The following MXRA5 variants were observed in gnomAD, a reference collection of about 807,000 sequenced individuals.
The protein encoded by MXRA5 is matrix remodeling associated 5.
A neutral mutation model predicts 112.5 loss-of-function variants in MXRA5; 41 were observed. The observed-to-expected ratio is 0.36, with a 90% CI of 0.28 to 0.47. The LOEUF is 0.47. MXRA5 is among the 20% of genes least tolerant of loss of function. The pLI, the probability that MXRA5 is intolerant of heterozygous loss-of-function variation, is 0.99. For synonymous variants in MXRA5, 862 were observed against 900.8 expected (o/e 0.96, Z 0.77); for missense variants, 2,150 against 2,251.0 (o/e 0.96, Z 0.91).
intron 6 of MXRA5, among the ~76,000 whole-genome samples, chrX:3,312,730 GTT>G (rs35559206): frequency 1.9e-5 from 2 of 107,024 alleles, no homozygotes; most frequent in South Asian, 8.5e-4. Flanking sequence ...CCTGGATGGA[GTT>G]TTTTTTATTT....
chrX:3,343,372 T>A (rs780676524), intron 2 of MXRA5, among the ~76,000 whole-genome samples: 40 of 112,547 alleles, frequency 3.6e-4, no homozygotes, highest in Middle Eastern at 4.6e-3. Flanking sequence ...AGGGAATTTC[T>A]CAACAAACTC....
At chrX:3,341,421 ATATATGTAATATATATTATTAT>A (rs1921960013) in intron 2 of MXRA5, among the ~76,000 whole-genome samples, 1 of 17,970 alleles carries the variant, frequency 5.6e-5, no homozygotes, top group Non-Finnish European at 7.3e-5. Flanking sequence ...ATTATATATA[ATATATGTAATATATATTATTAT>A]TATATATAAT....
intron 4 of MXRA5, among the ~76,000 whole-genome samples, chrX:3,328,905 AAGGG>A (rs1921576229): frequency 1.1e-5 from 1 of 92,038 alleles, no homozygotes; most frequent in Non-Finnish European, 2.1e-5. Context: ...GGAATGAAGG[AAGGG>A]AGGGAGGGAA....
Position 3,330,784 on chromosome X carries a change from GTAA to G in MXRA5, c.189-14_189-12del, listed in dbSNP as rs770536004. 50 of 1,055,441 alleles carry G rather than the reference GTAA, an allele frequency of 4.7e-5. No homozygotes were observed. The highest frequency in any genetic ancestry group is 5.4e-5 in the Admixed American group (2 of 36,783). The allele number at this position is 1,055,441 out of a possible 1,213,427, so 87.0% of individuals were successfully genotyped here. On this transcript the variant is annotated splice_polypyrimidine_tract_variant and intron_variant, in intron 2 of 6. Transcript: ENST00000217939. Reference sequence around the variant, plus strand: ...TGTATGCTATTAAACCTAAAGAATGGTAATAATAATAATAACAATAATAATAAT... The same window carrying G: ...TGTATGCTATTAAACCTAAAGAATGGTAATAATAATAACAATAATAATAAT...
chrX:3,310,919 C>T lies in MXRA5; in HGVS notation c.7284G>A (p.Arg2428=). The T allele has an allele frequency of 8.3e-7, 1 of 1,211,498 alleles. No individual in the cohort carries two copies. Among genetic ancestry groups the T allele is most frequent in the South Asian group, 1.8e-5 (1 of 56,957 alleles). The change falls in exon 7 of 7, where the codon AGG becomes AGA. Residue 2428 remains arginine, a synonymous_variant. Transcript: ENST00000217939. ...CGTTGACGTGAATCCACACCGTCTT[C>T]CTATCCTCTCCCGCGCTGTTCCTGA... The part of the protein sequence containing the change: ...CLVRNSAGED[R]KTVWIHVNVQ...
intron 1 of MXRA5, among the ~76,000 whole-genome samples, chrX:3,344,714 T>A (rs759227147): frequency 8.1e-5 from 9 of 111,797 alleles, no homozygotes; most frequent in African/African-American, 2.9e-4. Context: ...TTGAATGGCG[T>A]TCACTTAAAA....
chrX:3,316,550 C>T (rs1921140273), intron 6 of MXRA5, among the ~76,000 whole-genome samples: 1 of 40 alleles, frequency 0.025, no homozygotes, highest in Non-Finnish European at 0.11. Context: ...CACCTGTAGT[C>T]CCAGCTACTT....
intron 2 of MXRA5, among the ~76,000 whole-genome samples, chrX:3,342,093 T>C (rs1178080746): frequency 9.1e-6 from 1 of 110,365 alleles, no homozygotes; most frequent in Non-Finnish European, 1.9e-5. Flanking sequence ...TTTCCAGAGA[T>C]ATAGATGAAG....
At chrX:3,335,496 C>G (rs1454922148) in intron 2 of MXRA5, among the ~76,000 whole-genome samples, 2 of 112,514 alleles carry the variant, frequency 1.8e-5, no homozygotes, top group Non-Finnish European at 3.7e-5. Context: ...TGCGCCTGGC[C>G]GCCATTTTTA....
Position 3,320,159 on chromosome X carries a change from A to T in MXRA5, c.5526T>A (p.Pro1842=). 1 of 1,211,327 alleles carries T rather than the reference A, an allele frequency of 8.3e-7. No homozygotes were observed. The highest frequency in any genetic ancestry group is 1.1e-6 in the Non-Finnish European group (1 of 895,423). Residue 1842 remains proline (P), a synonymous_variant, in exon 5 of 7, where the codon CCT becomes CCA. Coordinates refer to ENST00000217939, the MANE Select transcript of MXRA5 (RefSeq NM_015419.4). ...CCCCAAGAGACCAGAATTTGGATGC[A>T]GGAGGTCCTCCTGCAAAGAACTTTG... ...SSSKFFAGGP[P]ASKFWSLGEK... is the part of the protein sequence containing the mutation.
chrX:3,325,847 A>AATAATTTATAATATATAATTTATAATT (rs1921456171), intron 4 of MXRA5, among the ~76,000 whole-genome samples: 2 of 58,938 alleles, frequency 3.4e-5, no homozygotes, highest in Non-Finnish European at 6.0e-5. Flanking sequence ...TTTATTCATA[A>AATAATTTATAATATATAATTTATAATT]ATAATTTATA....
Position 3,321,803 on chromosome X carries a change from A to G in MXRA5, c.3882T>C (p.Asp1294=). Reference sequence around the variant, plus strand: ...ATATTTTTCTGGTGGTTGTCATGTAATCTAAGGAATCATAAGGGCCCTCAG... The same window carrying G: ...ATATTTTTCTGGTGGTTGTCATGTAGTCTAAGGAATCATAAGGGCCCTCAG... ...LKTEGPYDSL[D]YMTTTRKIYS... The change falls in exon 5 of 7, where the codon GAT becomes GAC. Residue 1294 remains aspartate, a synonymous_variant. Transcript: ENST00000217939. 1 of 1,210,457 alleles carries G rather than the reference A, an allele frequency of 8.3e-7. No individual in the cohort carries two copies. The highest frequency in any genetic ancestry group is 1.1e-6 in the Non-Finnish European group (1 of 894,448).
chrX:3,329,443 G>A lies in MXRA5; in HGVS notation c.709+575C>T, dbSNP rs5939494. ...AAGGAAGGAGGGAAGGAAGGAAGGA[G>A]GGAAGGAAGGAAGATGAAGGAAGGG... On this transcript the variant is annotated intron_variant, in intron 4 of 6. Coordinates refer to ENST00000217939, the MANE Select transcript of MXRA5 (RefSeq NM_015419.4). Among the ~76,000 whole-genome samples, 246 of 35,408 alleles carry A rather than the reference G, an allele frequency of 6.9e-3. 3 individuals carry two copies. Among genetic ancestry groups the A allele is most frequent in the Middle Eastern group, 0.018 (1 of 56 alleles). The allele number at this position is 35,408 out of a possible 115,157, so 30.7% of individuals were successfully genotyped here.
chrX:3,330,845 T>C (rs1360610475), intron 2 of MXRA5, 72 bp from the exon 3 acceptor site: 2 of 768,326 alleles, frequency 2.6e-6, no homozygotes, highest in South Asian at 3.9e-5. Flanking sequence ...TTAACTCCCA[T>C]ATGGGAAACA....
chrX:3,331,009 C>T (rs1382108367), intron 2 of MXRA5, among the ~76,000 whole-genome samples: 1 of 111,131 alleles, frequency 9.0e-6, no homozygotes, highest in African/African-American at 3.3e-5. Flanking sequence ...CTCCAGCAAT[C>T]CTCCCACATC....
chrX:3,322,547 A>G lies in MXRA5; in HGVS notation c.3138T>C (p.Ser1046=). 1.7e-6 allele frequency: 2 copies of G among 1,211,185 alleles called. No homozygotes were observed. Among genetic ancestry groups the G allele is most frequent in the Non-Finnish European group, 2.2e-6 (2 of 895,352 alleles). Residue 1046 remains serine, a synonymous_variant, in exon 5 of 7, where the codon AGT becomes AGC. Coordinates refer to ENST00000217939, the MANE Select transcript of MXRA5 (RefSeq NM_015419.4). ...GTAAGGTGTCTTGAGTGCTTAGACTACTTTTCACAAGGTGGATGTTGTCTG... is the reference window on the plus strand; with the variant it reads ...GTAAGGTGTCTTGAGTGCTTAGACTGCTTTTCACAAGGTGGATGTTGTCTG... The part of the protein sequence containing the change: ...GLTDNIHLVK[S]SLSTQDTLLI...
Position 3,330,709 on chromosome X carries a change from T to C in MXRA5, c.253A>G (p.Met85Val). 2.5e-6 allele frequency: 3 copies of C among 1,210,178 alleles called. No homozygotes were observed. In the South Asian group the frequency reaches 5.3e-5, roughly 21 times the overall value. Residue 85 changes from methionine to valine, a missense_variant, in exon 3 of 7, where the codon ATG (methionine) becomes GTG (valine). Met to Val is a conservative substitution (Grantham distance 21). Transcript: ENST00000217939. ...CTTGGGATCTCATTGCCGTGAATCA[T>C]AAGTAGCTCCAACTTGGTCAGTCCT... ...FAGLTKLELLMIHGNEIPSIP... is the reference protein window; with the variant it reads ...FAGLTKLELLVIHGNEIPSIP...
intron 6 of MXRA5, among the ~76,000 whole-genome samples, chrX:3,316,805 T>C (rs1921147905): frequency 9.3e-6 from 1 of 107,735 alleles, no homozygotes; most frequent in Non-Finnish European, 1.9e-5. Context: ...GCCTCCAGAG[T>C]AGCTGGGACT....
At position 3,310,913 on chromosome X, in the gene MXRA5, C is replaced by T. The variant is rs761053933; in HGVS notation, c.7290G>A (p.Thr2430=). ...GCTGGACGTTGACGTGAATCCACAC[C>T]GTCTTCCTATCCTCTCCCGCGCTGT... ...VRNSAGEDRK[T]VWIHVNVQPP... The change falls in exon 7 of 7, where the codon ACG becomes ACA. Residue 2430 remains threonine, a synonymous_variant. Coordinates refer to ENST00000217939, the MANE Select transcript of MXRA5 (RefSeq NM_015419.4). 7 of 1,209,450 alleles carry T rather than the reference C, an allele frequency of 5.8e-6. No individual in the cohort carries two copies. In the East Asian group the frequency reaches 1.5e-4, roughly 26 times the overall value.
Sources: allele counts gnomAD v4.1 joint callset (sites outside exome capture counted in the v4.1 genomes callset), GRCh38; gene constraint gnomAD v4.1.1; transcripts MANE v1.5; gene names NCBI Gene and HGNC (gene_info 2026-07-23, HGNC 2026-07-21).